CACNB2: variants seen among roughly 807,000 people sequenced by gnomAD.
CACNB2 encodes voltage-dependent L-type calcium channel subunit beta-2.
CACNB2 carries 42 observed loss-of-function variants against 73.3 expected under a neutral mutation model. That is an observed-to-expected ratio of 0.57 (90% confidence interval 0.45 to 0.74). The LOEUF (loss-of-function observed/expected upper bound fraction) is 0.74, where lower values mean the gene tolerates loss of function less well. Among genes scored for constraint, CACNB2 ranks in the 30% least tolerant of loss-of-function variants. The pLI is 0.00. For missense variants in CACNB2, 940 were observed against 853.0 expected (o/e 1.10, Z -1.27); for synonymous variants, 348 against 310.3 (o/e 1.12, Z -1.28).
At position 18,473,876 on chromosome 10, in the gene CACNB2, G is replaced by T. The variant is rs1475987442; in HGVS notation, c.334-24479G>T. Among the ~76,000 whole-genome samples the T allele has an allele frequency of 5.3e-5, 8 of 152,236 alleles. No homozygotes were observed. In the East Asian group the frequency reaches 1.5e-3, roughly 29 times the overall value. On this transcript the variant is annotated intron_variant, in intron 3 of 13. Coordinates refer to ENST00000324631, the MANE Select transcript of CACNB2 (RefSeq NM_201596.3). ...TTCTTGTATCAGAACCAGGGCCAGG[G>T]TGTAACTGGATTTAAGTGCCAGACA...
intron 11 of CACNB2, 110 bp from the exon 12 acceptor site, chr10:18,535,991 A>C: frequency 1.4e-6 from 1 of 690,362 alleles, no homozygotes. Flanking sequence ...ATCTATTATA[A>C]GCCCCTTGTG....
chr10:18,190,179 C>T (rs1011600140), intron 2 of CACNB2, among the ~76,000 whole-genome samples: 3 of 152,160 alleles, frequency 2.0e-5, no homozygotes, highest in African/African-American at 7.2e-5. Flanking sequence ...TCTCAATAAA[C>T]ACTATCAGAA....
chr10:18,428,371 ATC>A (rs1473412877), intron 3 of CACNB2, among the ~76,000 whole-genome samples: 1 of 152,014 alleles, frequency 6.6e-6, no homozygotes, highest in Non-Finnish European at 1.5e-5. Context: ...ATCACCCCTT[ATC>A]TCCCTATTTC....
chr10:18,469,690 G>C (rs919121204), intron 3 of CACNB2, among the ~76,000 whole-genome samples: 1 of 152,164 alleles, frequency 6.6e-6, no homozygotes, highest in African/African-American at 2.4e-5. Flanking sequence ...TGACGTTCTT[G>C]AGATGGAGAG....
Position 18,510,892 on chromosome 10 carries a change from C to T in CACNB2, c.671-3344C>T, listed in dbSNP as rs116894645. On this transcript the variant is annotated intron_variant, in intron 6 of 13. Transcript: ENST00000324631. ...TATTGTAGGAATAATGAATTCCTGACGCAGATTTTGTCCTTCATATCCAGG... is the reference window on the plus strand; with the variant it reads ...TATTGTAGGAATAATGAATTCCTGATGCAGATTTTGTCCTTCATATCCAGG... Among the ~76,000 whole-genome samples the T allele has an allele frequency of 6.9e-3, 1,052 of 152,298 alleles. 6 individuals carry two copies. Among genetic ancestry groups the T allele is most frequent in the Non-Finnish European group, 0.011 (739 of 68,016 alleles).
rs115312560 is a variant in CACNB2 at position 18,293,851 on chromosome 10, C to T, written c.214-108073C>T. Among the ~76,000 whole-genome samples, 703 of 152,210 alleles carry T rather than the reference C, an allele frequency of 4.6e-3. 8 individuals carry two copies. Among genetic ancestry groups the T allele is most frequent in the African/African-American group, 0.016 (679 of 41,516 alleles). ...TCATGTTAATGACTATGATAAAATTCCTTAGTTTGACTTTAGGGCATAGAG... is the reference window on the plus strand; with the variant it reads ...TCATGTTAATGACTATGATAAAATTTCTTAGTTTGACTTTAGGGCATAGAG... On this transcript the variant is annotated intron_variant, in intron 2 of 13. Coordinates refer to ENST00000324631, the MANE Select transcript of CACNB2 (RefSeq NM_201596.3).
At chr10:18,320,367 CA>C (rs1216698527) in intron 2 of CACNB2, among the ~76,000 whole-genome samples, 5 of 152,098 alleles carry the variant, frequency 3.3e-5, no homozygotes, top group African/African-American at 4.8e-5. Flanking sequence ...TGGTCTATGA[CA>C]TAGTTAAGTA....
intron 2 of CACNB2, among the ~76,000 whole-genome samples, chr10:18,348,226 A>G (rs1349329779): frequency 6.6e-6 from 1 of 152,244 alleles, no homozygotes; most frequent in Non-Finnish European, 1.5e-5. Context: ...TGCATTGTAG[A>G]CATAAATATT....
At chr10:18,531,267 A>C (rs1476254747) in intron 10 of CACNB2, among the ~76,000 whole-genome samples, 43 of 151,940 alleles carry the variant, frequency 2.8e-4, no homozygotes, top group Non-Finnish European at 2.9e-5. Context: ...TTGTTTTTTA[A>C]CTTTTAAGTT....
At chr10:18,506,775 C>A (rs1343276175) in intron 6 of CACNB2, among the ~76,000 whole-genome samples, 1 of 151,994 alleles carries the variant, frequency 6.6e-6, no homozygotes, top group Non-Finnish European at 1.5e-5. Context: ...TGTAGATGAT[C>A]AAAGTGATTA....
chr10:18,210,427 G>A (rs906819543), intron 2 of CACNB2, among the ~76,000 whole-genome samples: 3 of 152,038 alleles, frequency 2.0e-5, no homozygotes, highest in Admixed American at 6.5e-5. Context: ...CAAAGGTGAA[G>A]AATGGTTTTT....
intron 2 of CACNB2, among the ~76,000 whole-genome samples, chr10:18,289,287 TTTTTGTTTTG>T (rs199612214): frequency 0.31 from 38,033 of 122,828 alleles, 7,573 homozygotes; most frequent in South Asian, 0.42. Context: ...TTTTCTTGTT[TTTTTGTTTTG>T]TTTTTTTTTT....
At chr10:18,232,951 G>A (rs1181122833) in intron 2 of CACNB2, among the ~76,000 whole-genome samples, 2 of 152,258 alleles carry the variant, frequency 1.3e-5, no homozygotes, top group East Asian at 1.9e-4. Context: ...GCCGGGTGTG[G>A]TGGCACACAC....
chr10:18,400,918 G>A, intron 2 of CACNB2: 1 of 1,571,422 alleles, frequency 6.4e-7, no homozygotes, highest in African/African-American at 1.4e-5. Flanking sequence ...ACGGAGAACA[G>A]GGGCTTGCCC....
At chr10:18,324,720 G>A (rs2040517968) in intron 2 of CACNB2, among the ~76,000 whole-genome samples, 1 of 152,152 alleles carries the variant, frequency 6.6e-6, no homozygotes, top group African/African-American at 2.4e-5. Context: ...ACTGGGTGTG[G>A]TGGCATGCGT....
In CACNB2 at chr10:18,429,598, G is replaced by A. The variant is rs200648670; in HGVS notation, c.333+27555G>A. Among the ~76,000 whole-genome samples the A allele has an allele frequency of 2.6e-5, 4 of 151,760 alleles. No individual in the cohort carries two copies. The East Asian group carries it at 5.8e-4, about 22-fold the overall frequency. On this transcript the variant is annotated intron_variant, in intron 3 of 13. Transcript: ENST00000324631. ...TCCTGGCACTTTGGGAGGCCAAGGCGGGGGTATCACTTGTGCCCAGGAGTT... is the reference window on the plus strand; with the variant it reads ...TCCTGGCACTTTGGGAGGCCAAGGCAGGGGTATCACTTGTGCCCAGGAGTT...
At chr10:18,378,090 A>G (rs1055511842) in intron 2 of CACNB2, among the ~76,000 whole-genome samples, 4 of 152,062 alleles carry the variant, frequency 2.6e-5, no homozygotes, top group South Asian at 2.1e-4. Flanking sequence ...AAGAGTTTGC[A>G]TGGGAGGTGG....
chr10:18,197,670 C>G (rs2034686230), intron 2 of CACNB2, among the ~76,000 whole-genome samples: 1 of 152,116 alleles, frequency 6.6e-6, no homozygotes, highest in African/African-American at 2.4e-5. Flanking sequence ...GGTTCCTGAA[C>G]CAATTCCCAT....
At chr10:18,298,236 G>T (rs981027521) in intron 2 of CACNB2, among the ~76,000 whole-genome samples, 1 of 152,096 alleles carries the variant, frequency 6.6e-6, no homozygotes, top group Non-Finnish European at 1.5e-5. Context: ...GGGCATGGTG[G>T]TGGGCGCCTG....
Sources: gnomAD v4.1 joint callset for allele counts (sites outside exome capture counted in the v4.1 genomes callset) on GRCh38, gnomAD v4.1.1 for gene constraint, MANE v1.5 for transcripts, NCBI Gene and HGNC (gene_info 2026-07-23, HGNC 2026-07-21) for gene names.